The following EYS variants were observed in gnomAD, a reference collection of about 807,000 sequenced individuals.
EYS encodes EGF-like photoreceptor maintenance factor, also known as protein eyes shut homolog.
EYS carries 250 observed loss-of-function variants against 282.1 expected under a neutral mutation model. The observed-to-expected ratio is 0.89, with a 90% CI of 0.80 to 0.98. The LOEUF is 0.98. Among genes scored for constraint, EYS ranks in the 50% least tolerant of loss-of-function variants. The probability of loss-of-function intolerance (pLI) is 0.00; values close to 1 mark genes in which losing one functional copy is unlikely to be tolerated. For missense variants in EYS, 4,016 were observed against 3,709.0 expected, an observed-to-expected ratio of 1.08 and a Z score of -2.15; for synonymous variants, 1,355 against 1,282.9, an observed-to-expected ratio of 1.06 and a Z score of -1.20.
Position 63,864,063 on chromosome 6 carries a change from G to T in EYS, c.7228+123C>A. 2.1e-6 allele frequency: 2 copies of T among 947,688 alleles called. 1 individual carries two copies. Among genetic ancestry groups the T allele is most frequent in the Non-Finnish European group, 2.9e-6 (2 of 685,234 alleles). 58.7% of individuals were successfully genotyped at this position (947,688 alleles called of 1,614,324 possible). A position where few individuals can be genotyped will look rare whatever the true frequency, so the allele number is the denominator to read the frequency against. On this transcript the variant is annotated intron_variant, in intron 36 of 42. Transcript: ENST00000503581. ...GGTCTTGTCTCAACTAACTTGAAAA[G>T]AACCCAGAAGAAGATTTGATGTATT...
At chr6:64,091,323 T>A (rs994529707) in intron 31 of EYS, among the ~76,000 whole-genome samples, 1 of 152,182 alleles carries the variant, frequency 6.6e-6, no homozygotes, top group Non-Finnish European at 1.5e-5. Context: ...ACTTTGTCAA[T>A]GGTTATGTCC....
At chr6:64,182,177 C>G (rs1046377092) in intron 31 of EYS, among the ~76,000 whole-genome samples, 1 of 152,026 alleles carries the variant, frequency 6.6e-6, no homozygotes, top group Non-Finnish European at 1.5e-5. Context: ...CAGCAATTTC[C>G]TGTTTTTATT....
At chr6:63,783,890 G>A (rs966307347) in intron 39 of EYS, among the ~76,000 whole-genome samples, 4 of 152,188 alleles carry the variant, frequency 2.6e-5, no homozygotes, top group Non-Finnish European at 5.9e-5. Context: ...GTGTGTGTGT[G>A]TGTGTTAGGA....
intron 22 of EYS, among the ~76,000 whole-genome samples, chr6:64,769,432 T>C (rs1364060097): frequency 6.6e-6 from 1 of 152,052 alleles, no homozygotes; most frequent in Non-Finnish European, 1.5e-5. Context: ...AATATTATTC[T>C]TGTTTTAAAA....
intron 8 of EYS, among the ~76,000 whole-genome samples, chr6:65,376,708 G>A (rs766677278): frequency 6.6e-6 from 1 of 152,002 alleles, no homozygotes; most frequent in African/African-American, 2.4e-5. Flanking sequence ...AGCAAAAAAA[G>A]CAGGGGTTGC....
At chr6:64,545,497 C>T (rs9688490) in intron 26 of EYS, among the ~76,000 whole-genome samples, 2,310 of 152,226 alleles carry the variant, frequency 0.015, 51 homozygotes, top group African/African-American at 0.052. Flanking sequence ...TCCTATTCAA[C>T]GTAGTGTTGG....
chr6:65,506,010 C>T (rs1766640016), intron 2 of EYS, among the ~76,000 whole-genome samples: 1 of 152,090 alleles, frequency 6.6e-6, no homozygotes, highest in Non-Finnish European at 1.5e-5. Flanking sequence ...TGGGTTTTCT[C>T]TTATTCCTGT....
chr6:64,400,912 A>G lies in EYS; in HGVS notation c.5928-12072T>C, dbSNP rs921609958. ...TTGGACTGACATAACGGTAATCACTAACTACTCTCCACTAAATAGAGTATG... is the reference window on the plus strand; with the variant it reads ...TTGGACTGACATAACGGTAATCACTGACTACTCTCCACTAAATAGAGTATG... On this transcript the variant is annotated intron_variant, in intron 28 of 42. Coordinates refer to ENST00000503581, the MANE Select transcript of EYS (RefSeq NM_001142800.2). Among the ~76,000 whole-genome samples, 57 of 152,100 alleles carry G rather than the reference A, an allele frequency of 3.7e-4. 1 individual carries two copies. The highest frequency in any genetic ancestry group is 1.4e-3 in the African/African-American group (56 of 41,432).
intron 31 of EYS, among the ~76,000 whole-genome samples, chr6:64,090,675 G>T (rs537425737): frequency 1.3e-5 from 2 of 151,294 alleles, no homozygotes; most frequent in East Asian, 4.0e-4. Context: ...TCTAATTTTT[G>T]TCTTGCGTTT....
At chr6:64,490,376 G>A (rs1776700649) in intron 26 of EYS, among the ~76,000 whole-genome samples, 1 of 150,836 alleles carries the variant, frequency 6.6e-6, no homozygotes, top group South Asian at 2.1e-4. Flanking sequence ...GTAGTTAAAA[G>A]ATAGAAGGTA....
intron 40 of EYS, among the ~76,000 whole-genome samples, chr6:63,768,585 G>A (rs919459579): frequency 6.6e-6 from 1 of 152,036 alleles, no homozygotes; most frequent in African/African-American, 2.4e-5. Context: ...GACAGCCATT[G>A]GTGAGGTTGC....
chr6:65,021,057 G>A (rs553196394), intron 13 of EYS, among the ~76,000 whole-genome samples: 2 of 152,162 alleles, frequency 1.3e-5, no homozygotes, highest in East Asian at 1.9e-4. Context: ...GATGGGAGGG[G>A]CTGCCATGAA....
intron 2 of EYS, among the ~76,000 whole-genome samples, chr6:65,630,240 T>A (rs1225728013): frequency 1.3e-5 from 2 of 152,322 alleles, no homozygotes; most frequent in East Asian, 1.9e-4. Flanking sequence ...GGAAAGGGGA[T>A]CATTGACACT....
intron 41 of EYS, among the ~76,000 whole-genome samples, chr6:63,735,353 T>C (rs567535985): frequency 2.0e-5 from 3 of 152,192 alleles, no homozygotes; most frequent in African/African-American, 7.2e-5. Context: ...ATTTTGAACT[T>C]ATAGATAAGT....
intron 12 of EYS, among the ~76,000 whole-genome samples, chr6:65,186,814 A>G (rs1765527610): frequency 6.6e-6 from 1 of 151,756 alleles, no homozygotes; most frequent in Admixed American, 6.6e-5. Flanking sequence ...GTATTAGTTG[A>G]TACCATGAGA....
chr6:64,088,965 T>A (rs541578956), intron 31 of EYS, among the ~76,000 whole-genome samples: 1 of 151,988 alleles, frequency 6.6e-6, no homozygotes, highest in Admixed American at 6.6e-5. Flanking sequence ...TTGATTGTAT[T>A]TCTTGGTACC....
chr6:64,525,310 T>C (rs1777881254), intron 26 of EYS, among the ~76,000 whole-genome samples: 2 of 151,936 alleles, frequency 1.3e-5, no homozygotes, highest in East Asian at 1.9e-4. Flanking sequence ...AAAGAATACA[T>C]GGTACATATA....
chr6:64,683,831 C>A (rs1041975025), intron 22 of EYS, among the ~76,000 whole-genome samples: 3 of 152,176 alleles, frequency 2.0e-5, no homozygotes, highest in Non-Finnish European at 4.4e-5. Flanking sequence ...GGGTTGGGAC[C>A]ATGAGAAACA....
In EYS at chr6:63,762,587, C is replaced by T. The variant is rs780978827; in HGVS notation, c.7945G>A (p.Val2649Ile). The T allele has an allele frequency of 1.9e-6, 3 of 1,550,248 alleles. No homozygotes were observed. Among genetic ancestry groups the T allele is most frequent in the South Asian group, 1.2e-5 (1 of 84,032 alleles). ...TCATGTTCAGGATCACAGGTAGAAA[C>T]TGTCTCTGTGCAGAATGATCCTTTC... is the stretch of plus-strand genomic sequence containing the variant. ...GWKGSFCTET[V>I]STCDPEHDPP... The change falls in exon 41 of 43, where the codon GTT (valine) becomes ATT (isoleucine). Residue 2649 changes from valine (V) to isoleucine (I), a missense_variant. Transcript: ENST00000503581.
Sources: gnomAD v4.1 joint callset for allele counts (sites outside exome capture counted in the v4.1 genomes callset) on GRCh38, gnomAD v4.1.1 for gene constraint, MANE v1.5 for transcripts, NCBI Gene and HGNC (gene_info 2026-07-23, HGNC 2026-07-21) for gene names.